The following ARHGEF17 variants were observed in gnomAD, a reference collection of about 807,000 sequenced individuals.
The protein encoded by ARHGEF17 is Rho guanine nucleotide exchange factor 17, also known as 164 kDa Rho-specific guanine-nucleotide exchange factor.
Under a neutral mutation model 174.0 loss-of-function variants are expected in ARHGEF17, and 80 were observed. The ratio of observed to expected loss-of-function variants is 0.46; its 90% CI spans 0.38 to 0.55. The LOEUF (loss-of-function observed/expected upper bound fraction) is 0.55, where lower values mean the gene tolerates loss of function less well. Ranked by LOEUF, ARHGEF17 falls within the 20% of genes least tolerant of loss-of-function variation. The probability of loss-of-function intolerance (pLI) is 0.00; values close to 1 mark genes in which losing one functional copy is unlikely to be tolerated. For synonymous variants in ARHGEF17, 1,311 were observed against 1,189.1 expected (o/e 1.10, Z -2.11); for missense variants, 2,886 against 2,839.7 (o/e 1.02, Z -0.37).
chr11:73,357,250 C>A lies in ARHGEF17; in HGVS notation c.4010C>A (p.Ala1337Glu). 1 of 1,613,868 alleles carries A rather than the reference C, an allele frequency of 6.2e-7. No homozygotes were observed. Among genetic ancestry groups the A allele is most frequent in the African/African-American group, 1.3e-5 (1 of 75,072 alleles). ...LRRSSMSLYT[A>E]ASVIDTASKY... ...CCATTGGCTCCCCACAGGTACACGG[C>A]AGCCAGTGTCATTGACACAGCCAGC... is the stretch of plus-strand genomic sequence containing the variant. The change falls in exon 9 of 21, where the codon GCA becomes GAA. Residue 1337 changes from alanine (A) to glutamate (E), a missense_variant. By Grantham distance (107) the Ala-to-Glu change is moderately radical. Around this residue, in one of 4 missense-constraint regions of ARHGEF17, gnomAD observed 353 missense variants for 470.3 expected, o/e 0.75. Coordinates refer to ENST00000263674, the MANE Select transcript of ARHGEF17 (RefSeq NM_014786.4).
chr11:73,315,949 T>G (rs554680502), intron 1 of ARHGEF17, among the ~76,000 whole-genome samples: 1 of 136,604 alleles, frequency 7.3e-6, no homozygotes, highest in East Asian at 2.6e-4. Flanking sequence ...CCCTCCCATC[T>G]GTGATCTTTC....
At chr11:73,343,103 C>G in intron 1 of ARHGEF17, 1 of 340,354 alleles carries the variant, frequency 2.9e-6, no homozygotes, top group Non-Finnish European at 5.3e-6. Flanking sequence ...CCCGCCCCGC[C>G]GCCACCCCGG....
intron 16 of ARHGEF17, 107 bp from the exon 17 acceptor site, chr11:73,364,065 G>T (rs1295977645): frequency 8.1e-7 from 1 of 1,228,232 alleles, no homozygotes; most frequent in Non-Finnish European, 1.2e-6. Flanking sequence ...GGTGGGAAGA[G>T]GTGGCCTCTC....
chr11:73,321,099 C>G (rs908730879), intron 1 of ARHGEF17, among the ~76,000 whole-genome samples: 8 of 152,194 alleles, frequency 5.3e-5, no homozygotes, highest in African/African-American at 1.9e-4. Flanking sequence ...GCACCTCTTT[C>G]CAGCCGTGAA....
chr11:73,363,430 G>A lies in ARHGEF17; in HGVS notation c.5221G>A (p.Val1741Met), dbSNP rs774151309. ...SVDPEAYQSS[V>M]WLGTEDGCVH... ...CGACCCTGAGGCCTACCAGAGCTCC[G>A]TGTGGCTGGGCACTGAGGATGGCTG... Residue 1741 changes from valine (V) to methionine (M), a missense_variant, in exon 15 of 21, where the codon GTG (valine) becomes ATG (methionine). Around this residue, in one of 4 missense-constraint regions of ARHGEF17, gnomAD observed 329 missense variants for 435.2 expected, o/e 0.76. Transcript: ENST00000263674. 53 of 1,613,074 alleles carry A rather than the reference G, an allele frequency of 3.3e-5. 1 individual carries two copies. The Admixed American group carries it at 7.0e-4, about 21-fold the overall frequency.
At chr11:73,328,140 C>G (rs754299109) in intron 1 of ARHGEF17, among the ~76,000 whole-genome samples, 1 of 151,942 alleles carries the variant, frequency 6.6e-6, no homozygotes, top group Non-Finnish European at 1.5e-5. Flanking sequence ...AGGAAGAGCC[C>G]CAGGGATGGA....
At position 73,352,823 on chromosome 11, in the gene ARHGEF17, C is replaced by T. The variant is rs1244712773; in HGVS notation, c.3271-7C>T. ...GGGAGTGTGCACCGACCCTGTGGGTCCTTCAGGGCTACATGCAGCCGCTGA... is the reference window on the plus strand; with the variant it reads ...GGGAGTGTGCACCGACCCTGTGGGTTCTTCAGGGCTACATGCAGCCGCTGA... On this transcript the variant is annotated splice_region_variant and splice_polypyrimidine_tract_variant and intron_variant, in intron 2 of 20. Coordinates refer to ENST00000263674, the MANE Select transcript of ARHGEF17 (RefSeq NM_014786.4). The T allele has an allele frequency of 1.2e-6, 2 of 1,613,670 alleles. No homozygotes were observed. Among genetic ancestry groups the T allele is most frequent in the East Asian group, 2.2e-5 (1 of 44,882 alleles).
chr11:73,362,126 G>T lies in ARHGEF17; in HGVS notation c.4581G>T (p.Gln1527His). 6.2e-7 allele frequency: 1 copy of T among 1,611,974 alleles called. No homozygotes were observed. The highest frequency in any genetic ancestry group is 2.2e-5 in the East Asian group (1 of 44,834). The change falls in exon 13 of 21, where the codon CAG (glutamine) becomes CAT (histidine). Residue 1527 changes from glutamine to histidine, a missense_variant. Around this residue, in one of 4 missense-constraint regions of ARHGEF17, gnomAD observed 476 missense variants for 473.1 expected, o/e 1.01. Transcript: ENST00000263674. ...GCAACAGCGACGGCTACGTGGGCCA[G>T]GTGTGCCTGCTGAGCCTGCGCGCCG... is the stretch of plus-strand genomic sequence containing the variant. The part of the protein sequence containing the change: ...WVCNSDGYVG[Q>H]VCLLSLRAEP...
Position 73,355,570 on chromosome 11 carries a change from A to T in ARHGEF17, c.3491A>T (p.Tyr1164Phe). The T allele has an allele frequency of 6.2e-7, 1 of 1,613,934 alleles. No homozygotes were observed. Among genetic ancestry groups the T allele is most frequent in the Non-Finnish European group, 8.5e-7 (1 of 1,179,780 alleles). Residue 1164 changes from tyrosine (Y) to phenylalanine (F), a missense_variant, in exon 4 of 21, where the codon TAT becomes TTT. Tyr to Phe is a conservative substitution (Grantham distance 22). Transcript: ENST00000263674. ...KDVLVNIYSA[Y>F]IDNFLNAKDA... ...GTCCTAGTAAACATCTATTCTGCCTATATCGATAACTTCCTCAATGCAAAG... is the reference window on the plus strand; with the variant it reads ...GTCCTAGTAAACATCTATTCTGCCTTTATCGATAACTTCCTCAATGCAAAG...
At position 73,362,217 on chromosome 11, in the gene ARHGEF17, G is replaced by A. The variant is rs773017083; in HGVS notation, c.4672G>A (p.Gly1558Arg). ...ARILCIGAVP[G>R]LQPRCHREPP... The stretch of plus-strand genomic sequence containing the variant: ...CATCCTCTGCATCGGGGCGGTGCCC[G>A]GGCTGCAGCCTCGCTGCCACCGGTG... The change falls in exon 13 of 21, where the codon GGG (glycine) becomes AGG (arginine). Residue 1558 changes from glycine (G) to arginine (R), a missense_variant. Gly to Arg is a moderately radical substitution (Grantham distance 125). This residue lies in a region of ARHGEF17 where 476 missense variants were observed against 473.1 expected (regional missense o/e 1.01). Coordinates refer to ENST00000263674, the MANE Select transcript of ARHGEF17 (RefSeq NM_014786.4). The A allele has an allele frequency of 1.3e-6, 2 of 1,547,006 alleles. No individual in the cohort carries two copies. The highest frequency in any genetic ancestry group is 1.4e-5 in the African/African-American group (1 of 73,234).
chr11:73,308,655 C>A lies in ARHGEF17; in HGVS notation c.17C>A (p.Pro6His). The change falls in exon 1 of 21, where the codon CCC (proline) becomes CAC (histidine). Residue 6 changes from proline to histidine, a missense_variant. Physicochemically the swap from Pro to His is moderately conservative, Grantham distance 77 (BLOSUM62 -2). Coordinates refer to ENST00000263674, the MANE Select transcript of ARHGEF17 (RefSeq NM_014786.4). ...TACGCCACTATGGCGGACGGGGCAC[C>A]CCGGCCCCAGCTTTACCGCAGCGTC... MADGA[P>H]RPQLYRSVSF... 1.3e-6 allele frequency: 2 copies of A among 1,507,752 alleles called. No homozygotes were observed. Among genetic ancestry groups the A allele is most frequent in the Admixed American group, 2.2e-5 (1 of 46,150 alleles). The allele number at this position is 1,507,752 out of a possible 1,614,324, so 93.4% of individuals were successfully genotyped here. A position where few individuals can be genotyped will look rare whatever the true frequency, so the allele number is the denominator to read the frequency against.
chr11:73,314,883 G>A (rs941681896), intron 1 of ARHGEF17, among the ~76,000 whole-genome samples: 1 of 152,160 alleles, frequency 6.6e-6, no homozygotes, highest in African/African-American at 2.4e-5. Flanking sequence ...TCAGGTCCCT[G>A]ATACCCGTTT....
chr11:73,313,352 G>A (rs1301143579), intron 1 of ARHGEF17, among the ~76,000 whole-genome samples: 4 of 152,140 alleles, frequency 2.6e-5, no homozygotes, highest in Admixed American at 2.0e-4. Flanking sequence ...TTCTTGTCAG[G>A]GGTCTCCTCC....
chr11:73,356,677 C>T lies in ARHGEF17; in HGVS notation c.3841-32C>T. On this transcript the variant is annotated intron_variant, in intron 6 of 20. Coordinates refer to ENST00000263674, the MANE Select transcript of ARHGEF17 (RefSeq NM_014786.4). Reference sequence around the variant, plus strand: ...GAGGGGATAGGGATTAATAACTGGCCTTCGAGATGCCTTGTCCCTCCTGTC... The same window carrying T: ...GAGGGGATAGGGATTAATAACTGGCTTTCGAGATGCCTTGTCCCTCCTGTC... The T allele has an allele frequency of 2.5e-6, 4 of 1,613,606 alleles. No individual in the cohort carries two copies. The South Asian group carries it at 3.3e-5, about 13-fold the overall frequency.
chr11:73,318,608 C>T (rs1443327385), intron 1 of ARHGEF17, among the ~76,000 whole-genome samples: 9 of 152,162 alleles, frequency 5.9e-5, no homozygotes, highest in Non-Finnish European at 8.8e-5. Context: ...TTAGCCTGGG[C>T]GACAGAGTGA....
chr11:73,312,784 C>T (rs1053241278), intron 1 of ARHGEF17, among the ~76,000 whole-genome samples: 5 of 151,944 alleles, frequency 3.3e-5, no homozygotes, highest in African/African-American at 1.2e-4. Flanking sequence ...CCCACTCTAC[C>T]CCCTTCTTGG....
At chr11:73,359,708 A>T (rs1216936287) in intron 9 of ARHGEF17, 126 bp from the exon 10 acceptor site, 1 of 755,310 alleles carries the variant, frequency 1.3e-6, no homozygotes, top group East Asian at 2.9e-5. Context: ...TGGGGTTTCT[A>T]TGCTTTCGGT....
chr11:73,311,261 G>C lies in ARHGEF17; in HGVS notation c.2623G>C (p.Glu875Gln). ...ILVEQRAEPE[E>Q]PGATRSRAQS... ...TGTAGAGCAGCGGGCAGAGCCAGAA[G>C]AACCTGGTGCCACCAGGAGCCGGGC... Residue 875 changes from glutamate to glutamine, a missense_variant, in exon 1 of 21, where the codon GAA becomes CAA. Around this residue, in one of 4 missense-constraint regions of ARHGEF17, gnomAD observed 1,728 missense variants for 1,461.2 expected, o/e 1.18. Coordinates refer to ENST00000263674, the MANE Select transcript of ARHGEF17 (RefSeq NM_014786.4). The C allele has an allele frequency of 6.2e-7, 1 of 1,612,646 alleles. No homozygotes were observed. Among genetic ancestry groups the C allele is most frequent in the Non-Finnish European group, 8.5e-7 (1 of 1,179,604 alleles).
rs774866310 is a variant in ARHGEF17, at chr11:73,309,171, C to G, written c.533C>G (p.Pro178Arg). The stretch of plus-strand genomic sequence containing the variant: ...ACGCCACCCCCTCGGACATGCTTCC[C>G]CCTGGCGGGTCTGCGTTCGGCGCGG... ...PPTPPPRTCF[P>R]LAGLRSARPL... Residue 178 changes from proline to arginine, a missense_variant, in exon 1 of 21, where the codon CCC becomes CGC. Transcript: ENST00000263674. 2 of 1,591,486 alleles carry G rather than the reference C, an allele frequency of 1.3e-6. No homozygotes were observed. Among genetic ancestry groups the G allele is most frequent in the South Asian group, 1.1e-5 (1 of 89,452 alleles).
Sources: gnomAD v4.1 joint callset for allele counts (sites outside exome capture counted in the v4.1 genomes callset) on GRCh38, gnomAD v4.1.1 for gene constraint, gnomAD v4.1.1 regional missense constraint, MANE v1.5 for transcripts, NCBI Gene and HGNC (gene_info 2026-07-23, HGNC 2026-07-21) for gene names.